MAST4: variants seen among roughly 807,000 people sequenced by gnomAD.
MAST4 encodes the protein microtubule associated serine/threonine kinase family member 4, also known as microtubule-associated serine/threonine-protein kinase 4.
MAST4 carries 89 observed loss-of-function variants against 162.7 expected under a neutral mutation model. That is an observed-to-expected ratio of 0.55 (90% CI 0.46 to 0.65). The LOEUF (loss-of-function observed/expected upper bound fraction) is 0.65, where lower values mean the gene tolerates loss of function less well. MAST4 is among the 30% of genes least tolerant of loss of function. The pLI is 0.00. For synonymous variants in MAST4, 1,479 were observed against 1,361.1 expected (o/e 1.09, Z -1.91); for missense variants, 3,153 against 3,374.0 (o/e 0.93, Z 1.62).
intron 4 of MAST4, among the ~76,000 whole-genome samples, chr5:66,977,463 TGACTGCAAACTCA>T (rs368364700): frequency 6.6e-6 from 1 of 152,292 alleles, no homozygotes; most frequent in African/African-American, 2.4e-5. Context: ...AAGCAGAAAA[TGACTGCAAACTCA>T]GAGCATTTAA....
intron 3 of MAST4, among the ~76,000 whole-genome samples, chr5:66,881,723 A>G (rs1356178320): frequency 3.9e-5 from 6 of 152,186 alleles, no homozygotes; most frequent in African/African-American, 1.4e-4. Flanking sequence ...AGGTGAAAAG[A>G]TCACAGACAA....
intron 4 of MAST4, among the ~76,000 whole-genome samples, chr5:66,911,433 T>C (rs27218): frequency 0.71 from 108,386 of 151,854 alleles, 38,863 homozygotes; most frequent in Middle Eastern, 0.77. Flanking sequence ...TGGATGCAGT[T>C]GCTTACTCCT....
chr5:66,946,483 T>G (rs1043846219), intron 4 of MAST4, among the ~76,000 whole-genome samples: 4 of 152,168 alleles, frequency 2.6e-5, no homozygotes, highest in African/African-American at 7.2e-5. Flanking sequence ...TGATCTTCAT[T>G]TCAGGTTATT....
chr5:66,647,594 A>G (rs1324441727), intron 1 of MAST4, among the ~76,000 whole-genome samples: 2 of 152,154 alleles, frequency 1.3e-5, no homozygotes, highest in Non-Finnish European at 2.9e-5. Flanking sequence ...GTCCTAAATA[A>G]TCTAACTGTG....
In MAST4 at chr5:66,755,151, G is replaced by A. The variant is rs191886836; in HGVS notation, c.364-4558G>A. Among the ~76,000 whole-genome samples, 8 of 152,340 alleles carry A rather than the reference G, an allele frequency of 5.3e-5. No individual in the cohort carries two copies. The East Asian group carries it at 1.5e-3, about 29-fold the overall frequency. On this transcript the variant is annotated intron_variant, in intron 1 of 28. Coordinates refer to ENST00000403625, the MANE Select transcript of MAST4 (RefSeq NM_001164664.2). ...TGCAAGAGAGAAAGGGGATGGCAGG[G>A]ACAAGGGTGGTAGGCATAGAAATGG...
intron 3 of MAST4, among the ~76,000 whole-genome samples, chr5:66,850,901 G>C (rs1759257434): frequency 6.8e-6 from 1 of 148,028 alleles, no homozygotes; most frequent in South Asian, 2.2e-4. Flanking sequence ...GCACAACCCT[G>C]ACCCAAGATG....
At chr5:67,023,904 GA>G (rs933748281) in intron 4 of MAST4, among the ~76,000 whole-genome samples, 2 of 151,516 alleles carry the variant, frequency 1.3e-5, no homozygotes, top group African/African-American at 2.4e-5. Flanking sequence ...TTTTAGGATA[GA>G]AAAAAATGTT....
chr5:66,902,173 A>G (rs576102892), intron 4 of MAST4, among the ~76,000 whole-genome samples: 15 of 152,218 alleles, frequency 9.9e-5, no homozygotes, highest in Non-Finnish European at 5.9e-5. Context: ...TTGTTGTTCC[A>G]TATTAACAGT....
rs200484196 is a variant in MAST4, at chr5:66,614,698, TGCCAAAAAGA to T, written c.363+17691_363+17700del. On this transcript the variant is annotated intron_variant, in intron 1 of 28. Coordinates refer to ENST00000403625, the MANE Select transcript of MAST4 (RefSeq NM_001164664.2). Reference sequence around the variant, plus strand: ...CATTTGAACTGGCAGATTTCTTTTGTGCCAAAAAGAGCCAAAAAGACATGGTACTTCCTAC... The same window carrying T: ...CATTTGAACTGGCAGATTTCTTTTGTGCCAAAAAGACATGGTACTTCCTAC... Among the ~76,000 whole-genome samples the T allele has an allele frequency of 6.0e-3, 920 of 152,286 alleles. 13 individuals are homozygous for T. Among genetic ancestry groups the T allele is most frequent in the African/African-American group, 0.021 (877 of 41,548 alleles).
At chr5:66,647,556 A>G (rs1210407549) in intron 1 of MAST4, among the ~76,000 whole-genome samples, 2 of 137,488 alleles carry the variant, frequency 1.5e-5, no homozygotes, top group African/African-American at 5.5e-5. Flanking sequence ...CATTATTTCA[A>G]ATAAGGAAAA....
intron 4 of MAST4, among the ~76,000 whole-genome samples, chr5:66,939,508 G>C (rs1022844671): frequency 5.3e-5 from 8 of 151,914 alleles, no homozygotes; most frequent in Non-Finnish European, 1.0e-4. Flanking sequence ...CCTTTTCATT[G>C]TATTTTGCTA....
At position 67,110,216 on chromosome 5, in the gene MAST4, T is replaced by C. The variant is rs1444556226; in HGVS notation, c.1458+17T>C. On this transcript the variant is annotated intron_variant, in intron 11 of 28. Transcript: ENST00000403625. The stretch of plus-strand genomic sequence containing the variant: ...GAGTGCCTGGTAAGTTGCCCCTTGA[T>C]GTGACTACATTATTTATTGTTAACT... 1.9e-6 allele frequency: 3 copies of C among 1,539,458 alleles called. No homozygotes were observed. The highest frequency in any genetic ancestry group is 1.8e-6 in the Non-Finnish European group (2 of 1,112,110).
rs142526644 is a variant in MAST4 at position 67,115,606 on chromosome 5, A to G, written c.1591+1387A>G. On this transcript the variant is annotated intron_variant, in intron 12 of 28. Coordinates refer to ENST00000403625, the MANE Select transcript of MAST4 (RefSeq NM_001164664.2). Reference sequence around the variant, plus strand: ...GTTCCCTGGGGAGAGATTTTTCCCCATGGCTTTTAAATTACCATCTTTACC... The same window carrying G: ...GTTCCCTGGGGAGAGATTTTTCCCCGTGGCTTTTAAATTACCATCTTTACC... Among the ~76,000 whole-genome samples, 8 of 152,350 alleles carry G rather than the reference A, an allele frequency of 5.3e-5. No homozygotes were observed. The East Asian group carries it at 9.6e-4, about 18-fold the overall frequency.
At chr5:66,647,022 T>A (rs1745883845) in intron 1 of MAST4, among the ~76,000 whole-genome samples, 1 of 152,196 alleles carries the variant, frequency 6.6e-6, no homozygotes, top group Non-Finnish European at 1.5e-5. Context: ...TGCTTCCAAA[T>A]GTAATATAAC....
At chr5:66,771,643 T>A (rs942198866) in intron 2 of MAST4, among the ~76,000 whole-genome samples, 4 of 152,282 alleles carry the variant, frequency 2.6e-5, no homozygotes, top group Middle Eastern at 3.4e-3. Flanking sequence ...ATTCTACAAA[T>A]AATGGGCTTT....
intron 1 of MAST4, among the ~76,000 whole-genome samples, chr5:66,756,063 C>G (rs1753518160): frequency 6.6e-6 from 1 of 152,068 alleles, no homozygotes; most frequent in Non-Finnish European, 1.5e-5. Flanking sequence ...GGTTATATAC[C>G]TTTTATCCCT....
At chr5:66,918,385 A>G (rs1764256267) in intron 4 of MAST4, among the ~76,000 whole-genome samples, 1 of 152,188 alleles carries the variant, frequency 6.6e-6, no homozygotes, top group Non-Finnish European at 1.5e-5. Context: ...ATTCTTTTTA[A>G]GCTTAATGTT....
chr5:67,138,496 C>T (rs1386638698), intron 19 of MAST4, among the ~76,000 whole-genome samples: 5 of 151,896 alleles, frequency 3.3e-5, no homozygotes, highest in South Asian at 2.1e-4. Flanking sequence ...TGCAGTGGTG[C>T]GATCTTGGTC....
In MAST4 at chr5:67,144,625, T is replaced by G. The variant is rs1232799500; in HGVS notation, c.2731-44T>G. On this transcript the variant is annotated intron_variant, in intron 21 of 28. Coordinates refer to ENST00000403625, the MANE Select transcript of MAST4 (RefSeq NM_001164664.2). ...GACTTGGAGTGTTTTTCTGACAAACTCTTTTTAGTAGATATTAATAAGCAC... is the reference window on the plus strand; with the variant it reads ...GACTTGGAGTGTTTTTCTGACAAACGCTTTTTAGTAGATATTAATAAGCAC... The G allele has an allele frequency of 1.9e-6, 3 of 1,593,996 alleles. No individual in the cohort carries two copies. The African/African-American group carries it at 4.0e-5, about 22-fold the overall frequency.
Sources: allele counts gnomAD v4.1 joint callset (sites outside exome capture counted in the v4.1 genomes callset), GRCh38; gene constraint gnomAD v4.1.1; transcripts MANE v1.5; gene names NCBI Gene and HGNC (gene_info 2026-07-23, HGNC 2026-07-21).